The following POT1 variants were observed in gnomAD, a reference collection of about 807,000 sequenced individuals.
The protein encoded by POT1 is protection of telomeres protein 1.
In POT1, 47 loss-of-function variants were observed where a neutral mutation model predicts 78.5. The observed-to-expected ratio is 0.60, with a 90% CI of 0.47 to 0.76. The LOEUF (loss-of-function observed/expected upper bound fraction) is 0.76, where lower values mean the gene tolerates loss of function less well. Among genes scored for constraint, POT1 ranks in the 30% least tolerant of loss-of-function variants. The pLI, the probability that POT1 is intolerant of heterozygous loss-of-function variation, is 0.00. For synonymous variants in POT1, 259 were observed against 260.7 expected (o/e 0.99, Z 0.06); for missense variants, 646 against 749.9 (o/e 0.86, Z 1.62).
At chr7:124,896,795 C>T (rs1490517660) in intron 5 of POT1, among the ~76,000 whole-genome samples, 1 of 151,482 alleles carries the variant, frequency 6.6e-6, no homozygotes, top group Admixed American at 6.6e-5. Context: ...TATAATTCAG[C>T]ACATAATTGT....
intron 12 of POT1, among the ~76,000 whole-genome samples, chr7:124,844,484 C>A (rs1584759569): frequency 6.7e-6 from 1 of 148,506 alleles, no homozygotes; most frequent in East Asian, 2.1e-4. Flanking sequence ...CGCCTGTAAT[C>A]CCAGCACTTT....
chr7:124,884,775 G>T (rs1334999123), intron 6 of POT1, among the ~76,000 whole-genome samples: 1 of 152,174 alleles, frequency 6.6e-6, no homozygotes, highest in Admixed American at 6.5e-5. Context: ...TAGGAATTAT[G>T]ATATTGATCA....
chr7:124,878,718 C>T (rs1554430969), intron 6 of POT1, among the ~76,000 whole-genome samples: 2 of 151,444 alleles, frequency 1.3e-5, no homozygotes, highest in African/African-American at 2.4e-5. Flanking sequence ...ATAATGATAG[C>T]AACAAAAAAG....
At chr7:124,886,364 C>T (rs1796243439) in intron 6 of POT1, among the ~76,000 whole-genome samples, 1 of 152,074 alleles carries the variant, frequency 6.6e-6, no homozygotes, top group African/African-American at 2.4e-5. Flanking sequence ...TTTTAAAAGG[C>T]ACAGCTGTGG....
chr7:124,878,588 C>A (rs891608525), intron 6 of POT1, among the ~76,000 whole-genome samples: 46 of 152,150 alleles, frequency 3.0e-4, no homozygotes, highest in African/African-American at 1.0e-3. Flanking sequence ...TTGTCCCCCA[C>A]AATATGTATT....
chr7:124,858,152 A>T (rs1795492990), intron 9 of POT1, among the ~76,000 whole-genome samples: 1 of 152,144 alleles, frequency 6.6e-6, no homozygotes. Flanking sequence ...CCCTGCTTCA[A>T]TCCAACTAGC....
intron 6 of POT1, among the ~76,000 whole-genome samples, chr7:124,890,151 A>G (rs1002490659): frequency 6.6e-6 from 1 of 151,994 alleles, no homozygotes; most frequent in Non-Finnish European, 1.5e-5. Flanking sequence ...GAAAAAGTTA[A>G]TTCCAACCCT....
At position 124,839,102 on chromosome 7, in the gene POT1, T is replaced by A. The variant is rs1794965573; in HGVS notation, c.1369+1871A>T. On this transcript the variant is annotated intron_variant, in intron 14 of 18. Coordinates refer to ENST00000357628, the MANE Select transcript of POT1 (RefSeq NM_015450.3). Reference sequence around the variant, plus strand: ...TAAGGATGGTGTGATATTAGGAAAATAACAGACAGATTAAAACAGAATAGA... The same window carrying A: ...TAAGGATGGTGTGATATTAGGAAAAAAACAGACAGATTAAAACAGAATAGA... 2.0e-5 allele frequency among the ~76,000 whole-genome samples: 3 copies of A among 152,050 alleles called. No individual in the cohort carries two copies. In the South Asian group the frequency reaches 6.2e-4, roughly 32 times the overall value.
intron 12 of POT1, among the ~76,000 whole-genome samples, chr7:124,843,990 CT>C (rs754719463): frequency 1.3e-5 from 2 of 152,138 alleles, no homozygotes; most frequent in African/African-American, 2.4e-5. Flanking sequence ...ATTTAAGATA[CT>C]TCTGTGACAA....
intron 7 of POT1, among the ~76,000 whole-genome samples, chr7:124,867,894 C>T (rs1257083213): frequency 6.6e-6 from 1 of 152,108 alleles, no homozygotes; most frequent in Non-Finnish European, 1.5e-5. Context: ...AATCTTCCCA[C>T]CTAGCCCTCC....
chr7:124,880,625 T>C (rs1279397941), intron 6 of POT1, among the ~76,000 whole-genome samples: 2 of 152,058 alleles, frequency 1.3e-5, no homozygotes, highest in Non-Finnish European at 2.9e-5. Flanking sequence ...GATTTTTCTA[T>C]GAAGATGTCA....
chr7:124,870,419 A>G (rs1296584522), intron 7 of POT1, among the ~76,000 whole-genome samples: 1 of 152,060 alleles, frequency 6.6e-6, no homozygotes, highest in Non-Finnish European at 1.5e-5. Context: ...GTTCCTGTTC[A>G]TATCTTATTT....
intron 3 of POT1, among the ~76,000 whole-genome samples, chr7:124,913,832 T>C (rs1796949658): frequency 6.6e-6 from 1 of 152,162 alleles, no homozygotes; most frequent in Non-Finnish European, 1.5e-5. Context: ...ACTGAACATG[T>C]GATCCTTGTC....
chr7:124,913,667 T>A (rs1412185324), intron 3 of POT1, among the ~76,000 whole-genome samples: 2 of 152,204 alleles, frequency 1.3e-5, no homozygotes, highest in African/African-American at 4.8e-5. Context: ...AAGGTAAGAA[T>A]CTAATTTCAT....
Position 124,836,648 on chromosome 7 carries a change from A to G in POT1, c.1370-1234T>C, listed in dbSNP as rs569615175. On this transcript the variant is annotated intron_variant, in intron 14 of 18. Coordinates refer to ENST00000357628, the MANE Select transcript of POT1 (RefSeq NM_015450.3). ...CTAGTCATTCACACTGGCCAGTCAC[A>G]CGAGTTTGGCTCTGGCACATAAGCT... Among the ~76,000 whole-genome samples the G allele has an allele frequency of 3.3e-5, 5 of 152,290 alleles. No homozygotes were observed. In the South Asian group the frequency reaches 1.0e-3, roughly 32 times the overall value.
rs1243180783 is a variant in POT1, at chr7:124,872,696, TC to T, written c.125-1656del. ...CACGGTTTTGGGCAGCTGCTGGGGG[TC>T]TTGGAGCATATCCCCTTTGGACAAA... is the stretch of plus-strand genomic sequence containing the variant. On this transcript the variant is annotated intron_variant, in intron 6 of 18. Coordinates refer to ENST00000357628, the MANE Select transcript of POT1 (RefSeq NM_015450.3). Among the ~76,000 whole-genome samples the T allele has an allele frequency of 7.9e-5, 12 of 152,130 alleles. No individual in the cohort carries two copies. In the East Asian group the frequency reaches 2.3e-3, roughly 29 times the overall value.
chr7:124,824,946 C>T (rs1794593870), intron 18 of POT1, among the ~76,000 whole-genome samples: 1 of 152,136 alleles, frequency 6.6e-6, no homozygotes, highest in African/African-American at 2.4e-5. Context: ...CAATTCATCA[C>T]TTTTGGTCTA....
At chr7:124,903,011 C>G (rs540330120) in intron 3 of POT1, among the ~76,000 whole-genome samples, 1 of 152,070 alleles carries the variant, frequency 6.6e-6, no homozygotes, top group African/African-American at 2.4e-5. Context: ...ACAGGAACGC[C>G]GAGATTCATA....
chr7:124,882,233 T>A (rs544649301), intron 6 of POT1, among the ~76,000 whole-genome samples: 1 of 152,140 alleles, frequency 6.6e-6, no homozygotes, highest in South Asian at 2.1e-4. Context: ...TTTTATCTAC[T>A]AAAACACTGC....
Sources: allele counts gnomAD v4.1 joint callset (sites outside exome capture counted in the v4.1 genomes callset), GRCh38; gene constraint gnomAD v4.1.1; transcripts MANE v1.5; gene names NCBI Gene and HGNC (gene_info 2026-07-23, HGNC 2026-07-21).